Variants in TENM2 observed in about 807,000 individuals in gnomAD.
TENM2 encodes teneurin transmembrane protein 2.
A neutral mutation model predicts 245.2 loss-of-function variants in TENM2; 52 were observed. The observed-to-expected ratio is 0.21, with a 90% confidence interval of 0.17 to 0.27. The LOEUF (loss-of-function observed/expected upper bound fraction) is 0.27, where lower values mean the gene tolerates loss of function less well. Among genes scored for constraint, TENM2 ranks in the 10% least tolerant of loss-of-function variants. The probability of loss-of-function intolerance (pLI) is 1.00; values close to 1 mark genes in which losing one functional copy is unlikely to be tolerated. For synonymous variants in TENM2, 1,363 were observed against 1,438.9 expected, an observed-to-expected ratio of 0.95 and a Z score of 1.19; for missense variants, 3,046 against 3,666.8, an observed-to-expected ratio of 0.83 and a Z score of 4.37.
chr5:168,109,070 A>G (rs62383404), intron 9 of TENM2, among the ~76,000 whole-genome samples: 3 of 151,830 alleles, frequency 2.0e-5, no homozygotes, highest in Admixed American at 2.0e-4. Context: ...TTGCCCTGAA[A>G]TCCTCATTAA....
At chr5:167,246,046 T>C in the TENM2 span, among the ~76,000 whole-genome samples, 3 of 151,868 alleles carry the variant, frequency 2.0e-5, no homozygotes, top group Admixed American at 6.6e-5. Context: ...GTGAGATGAG[T>C]TACTCCTCCT....
chr5:167,732,126 C>T (rs957504022), intron 2 of TENM2, among the ~76,000 whole-genome samples: 21 of 152,126 alleles, frequency 1.4e-4, no homozygotes, highest in Admixed American at 1.3e-3. Flanking sequence ...GAACTGAGCT[C>T]TGAATCCACA....
intron 2 of TENM2, among the ~76,000 whole-genome samples, chr5:167,564,751 G>A (rs1406765986): frequency 1.3e-5 from 2 of 152,066 alleles, no homozygotes; most frequent in Non-Finnish European, 2.9e-5. Flanking sequence ...CCCTCCTCTT[G>A]GTTTTTCATC....
At chr5:167,678,940 C>T (rs555705513) in intron 2 of TENM2, among the ~76,000 whole-genome samples, 8 of 152,164 alleles carry the variant, frequency 5.3e-5, no homozygotes, top group African/African-American at 1.4e-4. Flanking sequence ...AACTTTTCTT[C>T]GGCAAAGTTG....
chr5:168,256,557 C>G (rs1020995950), intron 27 of TENM2, among the ~76,000 whole-genome samples: 1 of 152,010 alleles, frequency 6.6e-6, no homozygotes, highest in Non-Finnish European at 1.5e-5. Context: ...TCCTGAGTAG[C>G]TGGGATTACA....
chr5:167,291,400 A>G (rs1452356640), intron 1 of TENM2, among the ~76,000 whole-genome samples: 2 of 152,160 alleles, frequency 1.3e-5, no homozygotes, highest in Admixed American at 6.5e-5. Context: ...CACACTTATC[A>G]TCTCTCACAA....
At chr5:167,238,116 A>G in the TENM2 span, among the ~76,000 whole-genome samples, 1 of 151,950 alleles carries the variant, frequency 6.6e-6, no homozygotes, top group African/African-American at 2.4e-5. Flanking sequence ...ATAATGATTC[A>G]GAAGGGTTGG....
intron 2 of TENM2, among the ~76,000 whole-genome samples, chr5:167,717,564 C>G (rs1166050253): frequency 2.0e-5 from 3 of 152,096 alleles, no homozygotes; most frequent in Admixed American, 6.5e-5. Flanking sequence ...TCCATCTCTT[C>G]TGAAATTTTA....
At chr5:168,208,237 A>G (rs1299328134) in intron 19 of TENM2, among the ~76,000 whole-genome samples, 1 of 152,228 alleles carries the variant, frequency 6.6e-6, no homozygotes, top group Non-Finnish European at 1.5e-5. Context: ...TTTAATAAAC[A>G]TAAGAATCTC....
intron 2 of TENM2, among the ~76,000 whole-genome samples, chr5:167,431,425 G>GA (rs1250512000): frequency 6.6e-6 from 1 of 152,034 alleles, no homozygotes; most frequent in Non-Finnish European, 1.5e-5. Context: ...GTATCAAGGG[G>GA]AAAAACATTA....
At chr5:167,196,105 A>G in the TENM2 span, among the ~76,000 whole-genome samples, 2 of 152,112 alleles carry the variant, frequency 1.3e-5, no homozygotes, top group South Asian at 2.1e-4. Flanking sequence ...CCCACTACAC[A>G]CGTAGGTTAT....
chr5:167,158,143 A>T, the TENM2 span, among the ~76,000 whole-genome samples: 1 of 152,200 alleles, frequency 6.6e-6, no homozygotes, highest in Non-Finnish European at 1.5e-5. Context: ...TTCACTTTTT[A>T]ATCATTTTAT....
intron 8 of TENM2, among the ~76,000 whole-genome samples, chr5:168,091,438 G>T (rs1209084120): frequency 6.6e-6 from 1 of 152,110 alleles, no homozygotes; most frequent in Non-Finnish European, 1.5e-5. Flanking sequence ...GCAATACAAA[G>T]CTCTAAAAGG....
intron 1 of TENM2, among the ~76,000 whole-genome samples, chr5:167,315,121 T>G (rs1210459896): frequency 6.6e-6 from 1 of 152,122 alleles, no homozygotes; most frequent in African/African-American, 2.4e-5. Flanking sequence ...AGTAAGTTTC[T>G]GGAAATGAGA....
intron 7 of TENM2, 74 bp downstream of exon 9, chr5:168,062,339 C>T: frequency 8.6e-7 from 1 of 1,162,616 alleles, no homozygotes; most frequent in Non-Finnish European, 1.2e-6. Flanking sequence ...ATATATGCCA[C>T]TTCACATCCA....
intron 2 of TENM2, among the ~76,000 whole-genome samples, chr5:167,599,292 TA>T (rs1776441421): frequency 1.3e-5 from 2 of 152,194 alleles, no homozygotes; most frequent in African/African-American, 4.8e-5. Context: ...ACAATCCTCT[TA>T]AATTAGGAAC....
At chr5:168,260,460 C>G (rs776106833) in intron 28 of TENM2, 47 bp downstream of exon 30, 1 of 1,605,250 alleles carries the variant, frequency 6.2e-7, no homozygotes, top group East Asian at 2.2e-5. Flanking sequence ...TCATCATTCC[C>G]TTTTGCAAAC....
At chr5:167,198,577 T>C in the TENM2 span, among the ~76,000 whole-genome samples, 1 of 152,118 alleles carries the variant, frequency 6.6e-6, no homozygotes, top group Admixed American at 6.5e-5. Context: ...GTAGATCAAG[T>C]TCTTGTTAAA....
At chr5:167,844,364 A>T (rs373788578) in intron 2 of TENM2, among the ~76,000 whole-genome samples, 12 of 152,354 alleles carry the variant, frequency 7.9e-5, no homozygotes, top group African/African-American at 2.6e-4. Flanking sequence ...AGCACCAGAG[A>T]TGTGCTAGAG....
Sources: allele counts gnomAD v4.1 joint callset (sites outside exome capture counted in the v4.1 genomes callset), GRCh38; gene constraint gnomAD v4.1.1; transcripts MANE v1.5; gene names NCBI Gene and HGNC (gene_info 2026-07-23, HGNC 2026-07-21).